CEP128: variants seen among roughly 807,000 people sequenced by gnomAD.
The protein encoded by CEP128 is centrosomal protein 128kDa.
Under a neutral mutation model 156.7 loss-of-function variants are expected in CEP128, and 132 were observed. That is an observed-to-expected ratio of 0.84 (90% CI 0.73 to 0.97). The LOEUF is 0.97. Ranked by LOEUF, CEP128 falls within the 50% of genes least tolerant of loss-of-function variation. The pLI is 0.00. For synonymous variants in CEP128, 469 were observed against 448.9 expected, an observed-to-expected ratio of 1.04 and a Z score of -0.57; for missense variants, 1,252 against 1,281.9, an observed-to-expected ratio of 0.98 and a Z score of 0.36.
intron 19 of CEP128, among the ~76,000 whole-genome samples, chr14:80,710,722 G>A (rs17111025): frequency 0.083 from 12,626 of 151,984 alleles, 1,745 homozygotes; most frequent in African/African-American, 0.29. Flanking sequence ...GAATTTTATA[G>A]TATGTGCATT....
At chr14:80,677,761 T>C (rs949862316) in intron 19 of CEP128, among the ~76,000 whole-genome samples, 6 of 151,796 alleles carry the variant, frequency 4.0e-5, no homozygotes, top group Admixed American at 2.0e-4. Flanking sequence ...AAGAAAAACA[T>C]AGCAATATTA....
chr14:80,487,938 T>C (rs776000252), downstream of CEP128, among the ~76,000 whole-genome samples: 12 of 151,402 alleles, frequency 7.9e-5, no homozygotes, highest in Non-Finnish European at 1.5e-4. Flanking sequence ...AGATCCAAAA[T>C]TGACACCCTA....
intron 19 of CEP128, among the ~76,000 whole-genome samples, chr14:80,620,181 G>A (rs1259357704): frequency 6.6e-6 from 1 of 151,952 alleles, no homozygotes; most frequent in East Asian, 1.9e-4. Flanking sequence ...AGCAGACCAG[G>A]GAAATCACAG....
downstream of CEP128, among the ~76,000 whole-genome samples, chr14:80,485,759 G>A (rs960634465): frequency 6.6e-6 from 1 of 152,186 alleles, no homozygotes; most frequent in Non-Finnish European, 1.5e-5. Flanking sequence ...TTTCTCGAGT[G>A]GAAGGCCACT....
intron 20 of CEP128, among the ~76,000 whole-genome samples, chr14:80,577,964 T>C (rs560932207): frequency 3.9e-5 from 6 of 152,252 alleles, no homozygotes; most frequent in East Asian, 1.9e-4. Context: ...CATTCCAACA[T>C]TGGCTTTCTT....
At chr14:80,742,505 T>C (rs1232450473) in intron 19 of CEP128, among the ~76,000 whole-genome samples, 1 of 152,214 alleles carries the variant, frequency 6.6e-6, no homozygotes, top group Non-Finnish European at 1.5e-5. Context: ...ATTGCCATAA[T>C]CAATGCTAAG....
intron 19 of CEP128, among the ~76,000 whole-genome samples, chr14:80,659,466 T>C (rs1407257190): frequency 1.3e-5 from 2 of 152,216 alleles, no homozygotes; most frequent in Non-Finnish European, 2.9e-5. Context: ...AAGACACGCA[T>C]GCATTGGTAT....
chr14:80,822,846 T>G, intron 13 of CEP128: 1 of 692,550 alleles, frequency 1.4e-6, no homozygotes, highest in Non-Finnish European at 2.6e-6. Flanking sequence ...CTGCACAGTT[T>G]GAAATACTAT....
chr14:80,632,877 C>T (rs4903930), intron 19 of CEP128, among the ~76,000 whole-genome samples: 76,996 of 151,908 alleles, frequency 0.51, 21,066 homozygotes, highest in Non-Finnish European at 0.59. Context: ...TTTATAAATA[C>T]GCACTAAGAA....
chr14:80,925,907 A>G (rs1392123812), intron 2 of CEP128, among the ~76,000 whole-genome samples: 3 of 152,142 alleles, frequency 2.0e-5, no homozygotes. Context: ...AACCCTACCT[A>G]GCGCTGGTGC....
chr14:80,680,057 G>C (rs1368644307), intron 19 of CEP128, among the ~76,000 whole-genome samples: 1 of 152,222 alleles, frequency 6.6e-6, no homozygotes, highest in African/African-American at 2.4e-5. Context: ...TCTTGAGCCA[G>C]AGATTGGAGT....
chr14:80,743,792 G>A (rs764184496), intron 18 of CEP128, among the ~76,000 whole-genome samples: 17 of 151,984 alleles, frequency 1.1e-4, no homozygotes, highest in Non-Finnish European at 2.2e-4. Flanking sequence ...AAGACACAAG[G>A]AAAGTGAATT....
rs771837070 is a variant in CEP128, at chr14:80,900,004, C to G, written c.506G>C (p.Arg169Pro). ...GCGAATTTGTTCACTGCTGAGGTCT[C>G]GAAGAGACTGATGAAAACCATGAAG... ...TQLHGFHQSL[R>P]DLSSEQIRLG... Residue 169 changes from arginine to proline, a missense_variant, in exon 7 of 25, where the codon CGA (arginine) becomes CCA (proline). Transcript: ENST00000555265. 2 of 1,612,686 alleles carry G rather than the reference C, an allele frequency of 1.2e-6. No individual in the cohort carries two copies. The highest frequency in any genetic ancestry group is 1.7e-6 in the Non-Finnish European group (2 of 1,179,116).
At chr14:80,835,136 A>C (rs1886010028) in intron 12 of CEP128, among the ~76,000 whole-genome samples, 1 of 152,032 alleles carries the variant, frequency 6.6e-6, no homozygotes, top group African/African-American at 2.4e-5. Flanking sequence ...GTCCCCCTTT[A>C]CACATCCCCA....
chr14:80,525,534 C>T (rs1888934791), intron 23 of CEP128, among the ~76,000 whole-genome samples: 1 of 152,122 alleles, frequency 6.6e-6, no homozygotes, highest in Non-Finnish European at 1.5e-5. Context: ...CTTTGTATTT[C>T]TGTATAGGTT....
chr14:80,484,359 G>C (rs1162233440), intron 14 of CEP128, among the ~76,000 whole-genome samples: 1 of 152,154 alleles, frequency 6.6e-6, no homozygotes, highest in African/African-American at 2.4e-5. Flanking sequence ...AAATATCAAA[G>C]TGGTGATGAT....
At chr14:80,774,383 G>A (rs955807589) in intron 16 of CEP128, among the ~76,000 whole-genome samples, 1 of 152,170 alleles carries the variant, frequency 6.6e-6, no homozygotes, top group Non-Finnish European at 1.5e-5. Context: ...AAGCAAATTA[G>A]AAAGCGTCCA....
At chr14:80,492,090 GA>G (rs1207563292), downstream of CEP128, among the ~76,000 whole-genome samples, 4 of 152,228 alleles carry the variant, frequency 2.6e-5, no homozygotes, top group East Asian at 7.7e-4. Context: ...GAGCTAAGAA[GA>G]AAAGGGGGAA....
At chr14:80,889,740 C>T (rs1888994341) in intron 8 of CEP128, among the ~76,000 whole-genome samples, 1 of 152,020 alleles carries the variant, frequency 6.6e-6, no homozygotes, top group Non-Finnish European at 1.5e-5. Context: ...ACTAAAACAC[C>T]AAAAGCAATG....
Sources: allele counts gnomAD v4.1 joint callset (sites outside exome capture counted in the v4.1 genomes callset), GRCh38; gene constraint gnomAD v4.1.1; transcripts MANE v1.5; gene names NCBI Gene and HGNC (gene_info 2026-07-23, HGNC 2026-07-21).